The following TLN2 variants were observed in gnomAD, a reference collection of about 807,000 sequenced individuals.
TLN2 encodes talin-2.
In TLN2, 118 loss-of-function variants were observed where a neutral mutation model predicts 294.7. The observed-to-expected ratio is 0.40, with a 90% CI of 0.34 to 0.47. The LOEUF is 0.47. Among genes scored for constraint, TLN2 ranks in the 20% least tolerant of loss-of-function variants. TLN2 has a pLI of 0.84. For missense variants in TLN2, 3,083 were observed against 3,282.2 expected, an observed-to-expected ratio of 0.94 and a Z score of 1.48; for synonymous variants, 1,431 against 1,304.5, an observed-to-expected ratio of 1.10 and a Z score of -2.09.
intron 9 of TLN2, among the ~76,000 whole-genome samples, chr15:62,673,310 C>CTTTTTTTTTTCTTTTTTTTT (rs2055688847): frequency 2.3e-5 from 1 of 42,856 alleles, no homozygotes; most frequent in Non-Finnish European, 4.3e-5. Flanking sequence ...TTAGATGTTG[C>CTTTTTTTTTTCTTTTTTTTT]TTTTTTTTTT....
intron 1 of TLN2, among the ~76,000 whole-genome samples, chr15:62,535,416 C>T (rs2041281355): frequency 6.6e-6 from 1 of 151,846 alleles, no homozygotes; most frequent in Non-Finnish European, 1.5e-5. Flanking sequence ...ATTGCTTGAG[C>T]CCAGGAATTT....
Position 62,843,513 on chromosome 15 carries a change from CT to C in TLN2, c.*2904del, listed in dbSNP as rs2070910459. On this transcript the variant is annotated 3_prime_UTR_variant, in exon 59 of 59. Transcript: ENST00000636159. ...GGTCAACACAGTCCCTCCAGGTCGGCTGCAGAGGCAGCTGCCCAGCCTGCAG... is the reference window on the plus strand; with the variant it reads ...GGTCAACACAGTCCCTCCAGGTCGGCGCAGAGGCAGCTGCCCAGCCTGCAG... 1.3e-5 allele frequency: 2 copies of C among 152,372 alleles called. No individual in the cohort carries two copies. The highest frequency in any genetic ancestry group is 3.9e-4 in the East Asian group (2 of 5,190). The allele number at this position is 152,372 out of a possible 1,614,324, so 9.4% of individuals were successfully genotyped here. A position where few individuals can be genotyped will look rare whatever the true frequency, so the allele number is the denominator to read the frequency against.
At chr15:62,673,205 ACAGT>A (rs1182716592) in intron 9 of TLN2, among the ~76,000 whole-genome samples, 1 of 151,788 alleles carries the variant, frequency 6.6e-6, no homozygotes. Context: ...CAAGGGATAC[ACAGT>A]CAAAAGACTG....
intron 28 of TLN2, among the ~76,000 whole-genome samples, chr15:62,734,459 G>C (rs1415769448): frequency 1.3e-5 from 2 of 152,194 alleles, no homozygotes; most frequent in African/African-American, 4.8e-5. Context: ...ATCAGCAGCA[G>C]AGCCAGAGCC....
chr15:62,794,840 G>A (rs934809849), intron 46 of TLN2, among the ~76,000 whole-genome samples: 3 of 152,136 alleles, frequency 2.0e-5, no homozygotes, highest in Non-Finnish European at 2.9e-5. Flanking sequence ...TTGCTGGCAC[G>A]GTAACACAGT....
rs140796286 is a variant in TLN2, at chr15:62,435,822, G to A, written c.-238+45137G>A. Among the ~76,000 whole-genome samples, 1,167 of 152,308 alleles carry A rather than the reference G, an allele frequency of 7.7e-3. 11 individuals carry two copies. The highest frequency in any genetic ancestry group is 0.037 in the Middle Eastern group (11 of 294). ...CTCCCAAAATGCTAGGATTACAGGCGTGAGCCACCATGCCAGGCCTTGCTG... is the reference window on the plus strand; with the variant it reads ...CTCCCAAAATGCTAGGATTACAGGCATGAGCCACCATGCCAGGCCTTGCTG... On this transcript the variant is annotated intron_variant, in intron 1 of 58. Coordinates refer to ENST00000636159, the MANE Select transcript of TLN2 (RefSeq NM_015059.3).
intron 1 of TLN2, among the ~76,000 whole-genome samples, chr15:62,543,317 G>A (rs1414119637): frequency 6.6e-6 from 1 of 152,218 alleles, no homozygotes; most frequent in African/African-American, 2.4e-5. Context: ...CATTAATTCA[G>A]CATATATTTG....
At chr15:62,596,959 A>C (rs2140763134) in intron 2 of TLN2, among the ~76,000 whole-genome samples, 1 of 152,230 alleles carries the variant, frequency 6.6e-6, no homozygotes, top group East Asian at 1.9e-4. Flanking sequence ...TGGTGCTTGC[A>C]ACTCAGCTCC....
chr15:62,407,699 T>G (rs1468033569), intron 1 of TLN2, among the ~76,000 whole-genome samples: 1 of 152,064 alleles, frequency 6.6e-6, no homozygotes, highest in East Asian at 1.9e-4. Context: ...GGTGGATCAC[T>G]TGAATTCAGG....
In TLN2 at chr15:62,737,177, T is replaced by C. The variant is rs540208028; in HGVS notation, c.3567+91T>C. 13 of 1,316,410 alleles carry C rather than the reference T, an allele frequency of 9.9e-6. No homozygotes were observed. The African/African-American group carries it at 1.0e-4, about 10-fold the overall frequency. 81.5% of individuals were successfully genotyped at this position (1,316,410 alleles called of 1,614,324 possible). On this transcript the variant is annotated intron_variant, in intron 29 of 58. Coordinates refer to ENST00000636159, the MANE Select transcript of TLN2 (RefSeq NM_015059.3). ...GTCTCCTGGGCACTTTTCCCTGATATGAACACTGACACAGCAGATGTTTTC... is the reference window on the plus strand; with the variant it reads ...GTCTCCTGGGCACTTTTCCCTGATACGAACACTGACACAGCAGATGTTTTC...
At chr15:62,839,044 C>A (rs2070229971) in intron 58 of TLN2, 63 bp downstream of exon 58, 2 of 1,381,474 alleles carry the variant, frequency 1.4e-6, no homozygotes, top group Non-Finnish European at 2.0e-6. Flanking sequence ...ATAACAGAGA[C>A]AAAAGAATAG....
intron 1 of TLN2, among the ~76,000 whole-genome samples, chr15:62,566,733 C>G (rs573050467): frequency 6.6e-6 from 1 of 151,486 alleles, no homozygotes; most frequent in African/African-American, 2.4e-5. Flanking sequence ...AAGAGATGCT[C>G]TCACCTCAAT....
chr15:62,628,123 C>CTT (rs2049447270), intron 3 of TLN2, among the ~76,000 whole-genome samples: 1 of 152,166 alleles, frequency 6.6e-6, no homozygotes, highest in African/African-American at 2.4e-5. Context: ...CTAAGATTAC[C>CTT]AGTAATGCTA....
intron 1 of TLN2, among the ~76,000 whole-genome samples, chr15:62,489,332 G>A (rs1418339728): frequency 2.0e-5 from 3 of 152,176 alleles, no homozygotes; most frequent in Non-Finnish European, 4.4e-5. Flanking sequence ...AACAAACTCA[G>A]GTGCAACTTC....
chr15:62,577,030 T>C (rs2044479405), intron 1 of TLN2, among the ~76,000 whole-genome samples: 1 of 152,232 alleles, frequency 6.6e-6, no homozygotes, highest in South Asian at 2.1e-4. Context: ...CTTTCCTGGG[T>C]CACCTTTATC....
chr15:62,556,383 C>T (rs919701731), intron 1 of TLN2, among the ~76,000 whole-genome samples: 6 of 151,940 alleles, frequency 3.9e-5, no homozygotes, highest in African/African-American at 7.2e-5. Flanking sequence ...CAGGGCTCAC[C>T]GCAGCCTCAA....
intron 1 of TLN2, among the ~76,000 whole-genome samples, chr15:62,581,017 G>T (rs2044946827): frequency 6.6e-6 from 1 of 151,724 alleles, no homozygotes; most frequent in Admixed American, 6.6e-5. Flanking sequence ...CCAGGTAGCT[G>T]GGATTACAGG....
chr15:62,779,530 C>T (rs1307332982), intron 43 of TLN2, among the ~76,000 whole-genome samples: 1 of 152,218 alleles, frequency 6.6e-6, no homozygotes. Context: ...CTACTTTGTT[C>T]TTTCTTTTCC....
At chr15:62,782,838 A>G (rs958800513) in intron 44 of TLN2, among the ~76,000 whole-genome samples, 3 of 152,222 alleles carry the variant, frequency 2.0e-5, no homozygotes, top group Non-Finnish European at 4.4e-5. Flanking sequence ...TTTAAAATCA[A>G]GGTCTTAAAA....
Sources: allele counts gnomAD v4.1 joint callset (sites outside exome capture counted in the v4.1 genomes callset), GRCh38; gene constraint gnomAD v4.1.1; transcripts MANE v1.5; gene names NCBI Gene and HGNC (gene_info 2026-07-23, HGNC 2026-07-21).